OR56A3: variants seen among roughly 807,000 people sequenced by gnomAD.
OR56A3 encodes the protein olfactory receptor 56A3.
In OR56A3, 23 loss-of-function variants were observed where a neutral mutation model predicts 17.5. The observed-to-expected ratio is 1.32, with a 90% CI of 0.95 to 1.87. OR56A3 has a LOEUF of 1.87. Among genes scored for constraint, OR56A3 ranks in the 40% most tolerant of loss-of-function variants. OR56A3 has a pLI of 0.00. For synonymous variants in OR56A3, 175 were observed against 150.6 expected (o/e 1.16, Z -1.19); for missense variants, 366 against 380.1 (o/e 0.96, Z 0.31).
downstream of OR56A3, among the ~76,000 whole-genome samples, chr11:5,953,133 G>C (rs910117970): frequency 2.6e-5 from 4 of 152,116 alleles, no homozygotes; most frequent in Admixed American, 2.6e-4. Context: ...ATATCTTCAT[G>C]GTAGAACAAT....
the OR56A3 span, chr11:5,968,302 G>C: frequency 6.2e-7 from 1 of 1,612,798 alleles, no homozygotes; most frequent in Non-Finnish European, 8.5e-7. Flanking sequence ...AGGCTGAGCA[G>C]GTAGTACAGG....
Position 5,947,371 on chromosome 11 carries a change from C to T in OR56A3, c.25C>T (p.Leu9Phe), listed in dbSNP as rs1420426313. Residue 9 changes from leucine (L) to phenylalanine (F), a missense_variant, in exon 3 of 3, where the codon CTC becomes TTC. Transcript: ENST00000641160. ...TATGACAACACACCGAAATGACACC[C>T]TCTCCACTGAAGCTTCAGACTTCCT... MTTHRNDT[L>F]STEASDFLLN... 1.2e-6 allele frequency: 2 copies of T among 1,608,298 alleles called. No homozygotes were observed. The highest frequency in any genetic ancestry group is 1.7e-6 in the Non-Finnish European group (2 of 1,176,132).
the OR56A3 span, among the ~76,000 whole-genome samples, chr11:5,982,954 CTG>C: frequency 6.6e-6 from 1 of 152,146 alleles, no homozygotes; most frequent in Admixed American, 6.5e-5. Context: ...AGCCCAGCGT[CTG>C]TGTCCTCCCT....
chr11:5,981,617 T>A, the OR56A3 span, among the ~76,000 whole-genome samples: 1 of 152,230 alleles, frequency 6.6e-6, no homozygotes, highest in African/African-American at 2.4e-5. Flanking sequence ...CTCCTGAATC[T>A]CTGTGATCTT....
the OR56A3 span, among the ~76,000 whole-genome samples, chr11:5,984,628 T>G: frequency 6.6e-6 from 1 of 152,198 alleles, no homozygotes; most frequent in Admixed American, 6.5e-5. Flanking sequence ...TGAAGCTGAT[T>G]AGAATGTGCA....
the OR56A3 span, among the ~76,000 whole-genome samples, chr11:5,960,340 G>A: frequency 2.6e-5 from 4 of 151,140 alleles, no homozygotes; most frequent in South Asian, 4.2e-4. Context: ...CCACCATCTC[G>A]GCTCACTGCA....
At chr11:5,977,079 G>A in the OR56A3 span, among the ~76,000 whole-genome samples, 1 of 152,150 alleles carries the variant, frequency 6.6e-6, no homozygotes, top group Non-Finnish European at 1.5e-5. Flanking sequence ...ATTCCATGGT[G>A]TATATGTAAC....
At chr11:5,953,117 A>G (rs1401345665), downstream of OR56A3, among the ~76,000 whole-genome samples, 1 of 152,176 alleles carries the variant, frequency 6.6e-6, no homozygotes, top group Non-Finnish European at 1.5e-5. Flanking sequence ...ATAAATGTGC[A>G]AGTGCATATC....
At chr11:6,002,163 A>T in the OR56A3 span, 1 of 1,614,054 alleles carries the variant, frequency 6.2e-7, no homozygotes, top group Non-Finnish European at 8.5e-7. Flanking sequence ...GTTGAGCAGG[A>T]TGGGGACATC....
rs1267451869 is a variant in OR56A3 at position 5,947,355 on chromosome 11, A to T, written c.9A>T (p.Thr3=). ...AAAATATATGGGAAAATATGACAAC[A>T]CACCGAAATGACACCCTCTCCACTG... MT[T]HRNDTLSTEA... The change falls in exon 3 of 3, where the codon ACA becomes ACT. Residue 3 remains threonine, a synonymous_variant. Transcript: ENST00000641160. 1.3e-6 allele frequency: 2 copies of T among 1,593,470 alleles called. No individual in the cohort carries two copies. Among genetic ancestry groups the T allele is most frequent in the Admixed American group, 3.5e-5 (2 of 56,812 alleles).
intron 2 of OR56A3, among the ~76,000 whole-genome samples, chr11:5,946,008 C>T (rs1564799432): frequency 6.6e-6 from 1 of 152,284 alleles, no homozygotes; most frequent in South Asian, 2.1e-4. Flanking sequence ...ACCTCTGTCC[C>T]AGTAGACAGA....
At chr11:5,985,807 G>A in the OR56A3 span, 1 of 769,936 alleles carries the variant, frequency 1.3e-6, no homozygotes, top group Non-Finnish European at 2.0e-6. Context: ...GTGTTCTTTA[G>A]CATGGCACTA....
the OR56A3 span, among the ~76,000 whole-genome samples, chr11:6,004,821 G>T: frequency 6.6e-6 from 1 of 152,066 alleles, no homozygotes; most frequent in Non-Finnish European, 1.5e-5. Context: ...TAATCTATTT[G>T]AACAAGTGAG....
At chr11:5,983,357 A>T in the OR56A3 span, among the ~76,000 whole-genome samples, 3 of 151,984 alleles carry the variant, frequency 2.0e-5, no homozygotes, top group East Asian at 5.8e-4. Context: ...GGTTATTGAG[A>T]TGTATTTAGT....
the OR56A3 span, among the ~76,000 whole-genome samples, chr11:5,991,684 C>G: frequency 6.6e-6 from 1 of 152,180 alleles, no homozygotes; most frequent in Non-Finnish European, 1.5e-5. Flanking sequence ...TAGTCTTCCC[C>G]CAACTGTAAA....
At chr11:6,016,778 CA>C in the OR56A3 span, among the ~76,000 whole-genome samples, 8 of 147,476 alleles carry the variant, frequency 5.4e-5, no homozygotes, top group Non-Finnish European at 1.2e-4. Context: ...CCCAGAAAAT[CA>C]ATTCAGAATC....
At chr11:5,994,068 C>A in the OR56A3 span, 1 of 479,146 alleles carries the variant, frequency 2.1e-6, no homozygotes, top group South Asian at 1.5e-5. Context: ...CCTTGATGTT[C>A]AGCAGGGCTT....
chr11:6,011,694 C>G, the OR56A3 span, among the ~76,000 whole-genome samples: 4 of 152,146 alleles, frequency 2.6e-5, no homozygotes, highest in African/African-American at 4.8e-5. Flanking sequence ...CTCGTTCTGT[C>G]CATTTGGCCT....
At chr11:6,013,335 G>A in the OR56A3 span, among the ~76,000 whole-genome samples, 2 of 152,210 alleles carry the variant, frequency 1.3e-5, no homozygotes, top group Non-Finnish European at 1.5e-5. Context: ...ATGGTCAAGG[G>A]CAGCCCAGAA....
Sources: gnomAD v4.1 joint callset for allele counts (sites outside exome capture counted in the v4.1 genomes callset) on GRCh38, gnomAD v4.1.1 for gene constraint, MANE v1.5 for transcripts, NCBI Gene and HGNC (gene_info 2026-07-23, HGNC 2026-07-21) for gene names.